Variants in EBF2 observed in about 807,000 individuals in gnomAD.
The protein encoded by EBF2 is EBF transcription factor 2, also known as transcription factor COE2.
EBF2 carries 21 observed loss-of-function variants against 72.8 expected under a neutral mutation model. The ratio of observed to expected loss-of-function variants is 0.29; its 90% confidence interval spans 0.20 to 0.42. The LOEUF (loss-of-function observed/expected upper bound fraction) is 0.42, where lower values mean the gene tolerates loss of function less well. Among genes scored for constraint, EBF2 ranks in the 10% least tolerant of loss-of-function variants. The probability of loss-of-function intolerance (pLI) is 1.00; values close to 1 mark genes in which losing one functional copy is unlikely to be tolerated. For synonymous variants in EBF2, 299 were observed against 274.2 expected (o/e 1.09, Z -0.89); for missense variants, 637 against 731.2 (o/e 0.87, Z 1.49).
intron 6 of EBF2, among the ~76,000 whole-genome samples, chr8:26,030,555 C>A (rs756733405): frequency 1.3e-5 from 2 of 151,638 alleles, no homozygotes; most frequent in African/African-American, 2.4e-5. Context: ...TGCACATGTA[C>A]CCTAAAATTT....
chr8:26,041,306 G>A, intron 2 of EBF2: 1 of 449,914 alleles, frequency 2.2e-6, no homozygotes, highest in Non-Finnish European at 4.1e-6. Context: ...CCTTTAAACA[G>A]GCACCACCCA....
At chr8:25,851,369 C>G (rs987400989) in intron 14 of EBF2, among the ~76,000 whole-genome samples, 2 of 148,200 alleles carry the variant, frequency 1.3e-5, no homozygotes, top group African/African-American at 5.1e-5. Context: ...AATATAGCTG[C>G]AAGTCGGCCT....
At chr8:25,871,618 G>T (rs1365798351) in intron 10 of EBF2, among the ~76,000 whole-genome samples, 1 of 152,202 alleles carries the variant, frequency 6.6e-6, no homozygotes, top group African/African-American at 2.4e-5. Flanking sequence ...TCAGACATGA[G>T]AATTTCGTCT....
intron 6 of EBF2, among the ~76,000 whole-genome samples, chr8:25,975,962 C>A (rs1175841718): frequency 6.6e-6 from 1 of 152,112 alleles, no homozygotes; most frequent in African/African-American, 2.4e-5. Context: ...CCAAACTATG[C>A]TGCAATCTTA....
intron 6 of EBF2, among the ~76,000 whole-genome samples, chr8:26,022,322 A>T (rs1805215791): frequency 6.6e-6 from 1 of 152,226 alleles, no homozygotes; most frequent in Non-Finnish European, 1.5e-5. Context: ...TGTAGCTAAA[A>T]TGAGTTGTGC....
chr8:25,962,817 C>T (rs1804056101), intron 6 of EBF2, among the ~76,000 whole-genome samples: 1 of 152,324 alleles, frequency 6.6e-6, no homozygotes, highest in Middle Eastern at 3.4e-3. Flanking sequence ...TCCAAATCCC[C>T]TACAACAAGT....
chr8:25,898,833 G>T (rs543407680), intron 7 of EBF2, among the ~76,000 whole-genome samples: 1 of 152,284 alleles, frequency 6.6e-6, no homozygotes, highest in East Asian at 1.9e-4. Context: ...CACTCTTATT[G>T]CAGGACTAAG....
chr8:25,887,874 C>T lies in EBF2; in HGVS notation c.850G>A (p.Val284Met). 6.2e-7 allele frequency: 1 copy of T among 1,613,780 alleles called. No homozygotes were observed. The highest frequency in any genetic ancestry group is 8.5e-7 in the Non-Finnish European group (1 of 1,179,820). Residue 284 changes from valine (V) to methionine (M), a missense_variant, in exon 9 of 16, where the codon GTG becomes ATG. Coordinates refer to ENST00000520164, the MANE Select transcript of EBF2 (RefSeq NM_022659.4). Reference sequence around the variant, plus strand: ...CATACAAGCATAGTCCCAAACACCACTTGGAGACCATCAAAGAAGTTGTCC... The same window carrying T: ...CATACAAGCATAGTCCCAAACACCATTTGGAGACCATCAAAGAAGTTGTCC... ...IGDNFFDGLQVVFGTMLVWSE... is the reference protein window; with the variant it reads ...IGDNFFDGLQMVFGTMLVWSE...
At chr8:25,953,901 G>C (rs1264359481) in intron 6 of EBF2, among the ~76,000 whole-genome samples, 1 of 152,172 alleles carries the variant, frequency 6.6e-6, no homozygotes, top group Non-Finnish European at 1.5e-5. Context: ...CTAGGAAACT[G>C]AGCCTCCCAG....
At chr8:25,913,244 C>A (rs1226178994) in intron 6 of EBF2, among the ~76,000 whole-genome samples, 1 of 151,986 alleles carries the variant, frequency 6.6e-6, no homozygotes, top group Non-Finnish European at 1.5e-5. Context: ...AGATCGAGAC[C>A]ATCCTGACCA....
At chr8:25,943,847 T>C (rs1803721205) in intron 6 of EBF2, among the ~76,000 whole-genome samples, 1 of 152,156 alleles carries the variant, frequency 6.6e-6, no homozygotes, top group Non-Finnish European at 1.5e-5. Flanking sequence ...ATTTTTTTTG[T>C]TGGAAATACA....
intron 6 of EBF2, among the ~76,000 whole-genome samples, chr8:25,908,967 C>T (rs896011293): frequency 2.0e-5 from 3 of 152,146 alleles, no homozygotes; most frequent in African/African-American, 7.2e-5. Context: ...GTCTGTGTGG[C>T]TCTCCACTGG....
chr8:26,014,318 C>T (rs1254615900), intron 6 of EBF2, among the ~76,000 whole-genome samples: 2 of 152,032 alleles, frequency 1.3e-5, no homozygotes, highest in Admixed American at 1.3e-4. Context: ...AAGAGATACG[C>T]CAATGGATCT....
chr8:25,858,075 C>G (rs1423378728), intron 14 of EBF2: 1 of 644,544 alleles, frequency 1.6e-6, no homozygotes, highest in Admixed American at 2.1e-5. Flanking sequence ...CACACATGCT[C>G]TTTCTCTATA....
At chr8:25,958,543 G>C (rs913873847) in intron 6 of EBF2, among the ~76,000 whole-genome samples, 3 of 151,816 alleles carry the variant, frequency 2.0e-5, no homozygotes, top group Non-Finnish European at 2.9e-5. Flanking sequence ...TTCCAGCTTT[G>C]TGCCAAATCC....
At chr8:25,944,755 A>G (rs1803737769) in intron 6 of EBF2, among the ~76,000 whole-genome samples, 1 of 148,186 alleles carries the variant, frequency 6.7e-6, no homozygotes, top group African/African-American at 2.5e-5. Context: ...TATATTGTAT[A>G]TATAATTATA....
At position 25,844,018 on chromosome 8, in the gene EBF2, A is replaced by G. The variant is rs1801782548; in HGVS notation, c.*591T>C. On this transcript the variant is annotated 3_prime_UTR_variant, in exon 16 of 16. Transcript: ENST00000520164. ...CAATAAGTTACACATTTATTTATTT[A>G]AATAATTGTAAAACATTTTAAAATT... 1 of 152,082 alleles carries G rather than the reference A, an allele frequency of 6.6e-6. No homozygotes were observed. The highest frequency in any genetic ancestry group is 2.1e-4 in the South Asian group (1 of 4,830). 9.4% of individuals were successfully genotyped at this position (152,082 alleles called of 1,614,324 possible).
chr8:26,038,808 T>TA (rs1805549993), intron 5 of EBF2, among the ~76,000 whole-genome samples: 1 of 152,218 alleles, frequency 6.6e-6, no homozygotes, highest in Admixed American at 6.5e-5. Context: ...TTTTGGTACT[T>TA]GGTCAAAACC....
At chr8:26,040,164 G>A (rs1805574613) in intron 4 of EBF2, 63 bp from the exon 5 acceptor site, 1 of 1,543,184 alleles carries the variant, frequency 6.5e-7, no homozygotes, top group Non-Finnish European at 9.0e-7. Flanking sequence ...AGGAAAGAAG[G>A]GACTTCAGAA....
Sources: allele counts gnomAD v4.1 joint callset (sites outside exome capture counted in the v4.1 genomes callset), GRCh38; gene constraint gnomAD v4.1.1; transcripts MANE v1.5; gene names NCBI Gene and HGNC (gene_info 2026-07-23, HGNC 2026-07-21).